Variants in STAT5A observed in about 807,000 individuals in gnomAD.
STAT5A encodes the protein epididymis secretory sperm binding protein.
Under a neutral mutation model 100.2 loss-of-function variants are expected in STAT5A, and 26 were observed. That is an observed-to-expected ratio of 0.26 (90% CI 0.19 to 0.36). The LOEUF (loss-of-function observed/expected upper bound fraction) is 0.36. Among genes scored for constraint, STAT5A ranks in the 10% least tolerant of loss-of-function variants. The pLI is 1.00. For synonymous variants in STAT5A, 330 were observed against 424.3 expected (o/e 0.78, Z 2.73); for missense variants, 634 against 1,027.5 (o/e 0.62, Z 5.24).
At chr17:42,301,518 G>T in intron 9 of STAT5A, 64 bp downstream of exon 9, 3 of 1,593,084 alleles carry the variant, frequency 1.9e-6, no homozygotes, top group Non-Finnish European at 2.6e-6. Flanking sequence ...CCCCCGCTTT[G>T]TCCTTGCATC....
Position 42,304,726 on chromosome 17 carries a change from T to C in STAT5A, c.1380+74T>C. The C allele has an allele frequency of 6.3e-7, 1 of 1,591,802 alleles. No individual in the cohort carries two copies. Among genetic ancestry groups the C allele is most frequent in the Non-Finnish European group, 8.6e-7 (1 of 1,168,408 alleles). On this transcript the variant is annotated intron_variant, in intron 11 of 18. Coordinates refer to ENST00000590949, the MANE Select transcript of STAT5A (RefSeq NM_001288718.2). This position sits in a 1 kb window ranked among gnomAD's most constrained non-coding sequence, Gnocchi z 4.8. ...GTGGAGGGGCCTGCCTCAGGACTCC[T>C]GGCAGCAATGCCATCGGACAGCCTG...
At chr17:42,305,518 T>C in intron 11 of STAT5A, 92 bp from the exon 12 acceptor site, 2 of 1,028,654 alleles carry the variant, frequency 1.9e-6, no homozygotes, top group Non-Finnish European at 2.9e-6. Context: ...AAAAAATACA[T>C]AAAAAAAAAT....
chr17:42,297,231 C>G (rs1476243510), intron 5 of STAT5A, among the ~76,000 whole-genome samples: 1 of 152,176 alleles, frequency 6.6e-6, no homozygotes, highest in Non-Finnish European at 1.5e-5. Flanking sequence ...GCCACGGTGC[C>G]CAGCCAATAC....
chr17:42,309,221 A>G, intron 17 of STAT5A, 123 bp downstream of exon 17: 1 of 1,573,216 alleles, frequency 6.4e-7, no homozygotes, highest in African/African-American at 1.4e-5. Context: ...AGCCCTGGGG[A>G]GGGAGTCCCC....
chr17:42,308,758 T>G lies in STAT5A; in HGVS notation c.2063-289T>G. On this transcript the variant is annotated intron_variant, in intron 16 of 18. Coordinates refer to ENST00000590949, the MANE Select transcript of STAT5A (RefSeq NM_001288718.2). The surrounding 1 kb of genome is among the most constrained non-coding windows in gnomAD (Gnocchi z 4.6). ...CTTCTTCCAGCTGCCCCAAATCCAT[T>G]GGTTGGGTTTGCTTGTTGATTCTCA... 1.9e-6 allele frequency: 1 copy of G among 516,932 alleles called. No homozygotes were observed. Among genetic ancestry groups the G allele is most frequent in the Non-Finnish European group, 3.5e-6 (1 of 288,694 alleles). The allele number at this position is 516,932 out of a possible 1,614,324, so 32.0% of individuals were successfully genotyped here. A position where few individuals can be genotyped will look rare whatever the true frequency, so the allele number is the denominator to read the frequency against.
chr17:42,308,527 C>T lies in STAT5A; in HGVS notation c.2062+194C>T, dbSNP rs954264824. The T allele has an allele frequency of 6.3e-5, 44 of 694,106 alleles. No individual in the cohort carries two copies. Among genetic ancestry groups the T allele is most frequent in the Non-Finnish European group, 9.9e-5 (42 of 423,774 alleles). 43.0% of individuals were successfully genotyped at this position (694,106 alleles called of 1,614,324 possible). A position where few individuals can be genotyped will look rare whatever the true frequency, so the allele number is the denominator to read the frequency against. On this transcript the variant is annotated intron_variant, in intron 16 of 18. Coordinates refer to ENST00000590949, the MANE Select transcript of STAT5A (RefSeq NM_001288718.2). This position sits in a 1 kb window ranked among gnomAD's most constrained non-coding sequence, Gnocchi z 4.6. ...TGAGGAGAGGGAACGAGAAACCCGT[C>T]CCAGCTCTCTTCTCTGCAAAGTGAA...
intron 5 of STAT5A, among the ~76,000 whole-genome samples, 189 bp from the exon 6 acceptor site, chr17:42,299,562 G>A (rs956263173): frequency 6.6e-6 from 1 of 152,226 alleles, no homozygotes; most frequent in Non-Finnish European, 1.5e-5. Flanking sequence ...AGGCTGGTGA[G>A]CAGGGCCCAG....
At chr17:42,309,217 G>C in intron 17 of STAT5A, 119 bp downstream of exon 17, 1 of 1,581,102 alleles carries the variant, frequency 6.3e-7, no homozygotes, top group Non-Finnish European at 8.7e-7. Flanking sequence ...TCTCAGCCCT[G>C]GGGAGGGAGT....
At chr17:42,293,324 C>T (rs1469503367) in intron 4 of STAT5A, among the ~76,000 whole-genome samples, 1 of 152,124 alleles carries the variant, frequency 6.6e-6, no homozygotes, top group Non-Finnish European at 1.5e-5. Flanking sequence ...CATGCCTCAG[C>T]CTCCCAAGTA....
At chr17:42,301,155 C>T in intron 8 of STAT5A, 120 bp from the exon 9 acceptor site, 3 of 1,479,174 alleles carry the variant, frequency 2.0e-6, no homozygotes, top group Non-Finnish European at 1.8e-6. Flanking sequence ...AGAGGTTGTG[C>T]CCGAGCTCAT....
chr17:42,287,473 G>A (rs1368319355), upstream of STAT5A: 1 of 152,382 alleles, frequency 6.6e-6, no homozygotes, highest in Non-Finnish European at 1.5e-5. Context: ...GGGATGGAAG[G>A]CGTCCAGCCC....
Position 42,307,444 on chromosome 17 carries a change from G to A in STAT5A, c.1723G>A (p.Asp575Asn). Reference sequence around the variant, plus strand: ...GAACTACACCTTCTGGCAGTGGTTTGACGGGGTGATGGAGGTGTTGAAGAA... The same window carrying A: ...GAACTACACCTTCTGGCAGTGGTTTAACGGGGTGATGGAGGTGTTGAAGAA... ...GWNYTFWQWF[D>N]GVMEVLKKHH... Residue 575 changes from aspartate to asparagine, a missense_variant, in exon 14 of 19, where the codon GAC becomes AAC. This residue lies in a region of STAT5A where 210 missense variants were observed against 428.4 expected (regional missense o/e 0.49). Transcript: ENST00000590949. The A allele has an allele frequency of 1.2e-6, 2 of 1,614,114 alleles. No individual in the cohort carries two copies. Among genetic ancestry groups the A allele is most frequent in the Non-Finnish European group, 1.7e-6 (2 of 1,180,012 alleles).
At chr17:42,291,776 C>G (rs1288646157) in intron 3 of STAT5A, among the ~76,000 whole-genome samples, 196 bp from the exon 4 acceptor site, 1 of 151,288 alleles carries the variant, frequency 6.6e-6, no homozygotes, top group Non-Finnish European at 1.5e-5. Flanking sequence ...TTAATTCGCT[C>G]CAAACCAGAT....
At chr17:42,299,474 C>T (rs1420465750) in intron 5 of STAT5A, among the ~76,000 whole-genome samples, 7 of 152,210 alleles carry the variant, frequency 4.6e-5, no homozygotes, top group Admixed American at 2.6e-4. Context: ...GTGAGGCAGG[C>T]GGGCAGGAGG....
At position 42,289,383 on chromosome 17, in the gene STAT5A, A is replaced by C; in HGVS notation, c.-10-19A>C. On this transcript the variant is annotated intron_variant, in intron 1 of 18. Coordinates refer to ENST00000590949, the MANE Select transcript of STAT5A (RefSeq NM_001288718.2). ...TGGCCTCTGCAGAGGAGAGCGCTTC[A>C]GCGCTCGGCTCGCCCTAGGTGAACG... 6.3e-7 allele frequency: 1 copy of C among 1,592,366 alleles called. No individual in the cohort carries two copies. Among genetic ancestry groups the C allele is most frequent in the South Asian group, 1.1e-5 (1 of 88,214 alleles).
rs529237746 is a variant in STAT5A at position 42,298,767 on chromosome 17, G to A, written c.551-984G>A. Reference sequence around the variant, plus strand: ...CTCCCAAAGTGCTGGGATTACAGGCGTGAGCCACTGCGCCCAGCCCCATGA... The same window carrying A: ...CTCCCAAAGTGCTGGGATTACAGGCATGAGCCACTGCGCCCAGCCCCATGA... On this transcript the variant is annotated intron_variant, in intron 5 of 18. Transcript: ENST00000590949. 6.6e-5 allele frequency among the ~76,000 whole-genome samples: 10 copies of A among 152,300 alleles called. No individual in the cohort carries two copies. In the East Asian group the frequency reaches 9.7e-4, roughly 15 times the overall value.
chr17:42,291,094 T>TG (rs1401299898), intron 3 of STAT5A, among the ~76,000 whole-genome samples: 2 of 152,214 alleles, frequency 1.3e-5, no homozygotes, highest in Non-Finnish European at 2.9e-5. Flanking sequence ...CAGTCCCATC[T>TG]GGGGGTGATG....
chr17:42,305,702 G>A lies in STAT5A; in HGVS notation c.1473G>A (p.Pro491=), dbSNP rs1161950098. 4 of 1,613,818 alleles carry A rather than the reference G, an allele frequency of 2.5e-6. No individual in the cohort carries two copies. The highest frequency in any genetic ancestry group is 2.2e-5 in the East Asian group (1 of 44,874). The change falls in exon 12 of 19, where the codon CCG becomes CCA. Residue 491 remains proline, a splice_region_variant and synonymous_variant. Transcript: ENST00000590949. The part of the protein sequence containing the change: ...TVLWDNAFAE[P]GRVPFAVPDK... ...TGTGGGACAATGCCTTTGCTGAGCC[G>A]GTGAGTCCCCGTGGGAGCCCTACCC...
chr17:42,307,650 C>T lies in STAT5A; in HGVS notation c.1833C>T (p.Pro611=), dbSNP rs185687915. The T allele has an allele frequency of 2.1e-5, 34 of 1,614,056 alleles. No homozygotes were observed. The highest frequency in any genetic ancestry group is 2.0e-4 in the Admixed American group (12 of 60,006). ...QQAHDLLINK[P]DGTFLLRFSD... is the part of the protein sequence containing the mutation. ...CCCACGACCTGCTCATCAACAAGCCCGACGGGACCTTCTTGTTGCGCTTTA... is the reference window on the plus strand; with the variant it reads ...CCCACGACCTGCTCATCAACAAGCCTGACGGGACCTTCTTGTTGCGCTTTA... The change falls in exon 15 of 19, where the codon CCC becomes CCT. Residue 611 remains proline (P), a synonymous_variant. Transcript: ENST00000590949.
Sources: allele counts gnomAD v4.1 joint callset (sites outside exome capture counted in the v4.1 genomes callset), GRCh38; gene constraint gnomAD v4.1.1; regional missense constraint gnomAD v4.1.1; non-coding constraint Gnocchi (gnomAD v3.1); transcripts MANE v1.5; gene names NCBI Gene and HGNC (gene_info 2026-07-23, HGNC 2026-07-21).